The following COL24A1 variants were observed in gnomAD, a reference collection of about 807,000 sequenced individuals.
COL24A1 encodes the protein collagen type XXIV alpha 1 chain.
A neutral mutation model predicts 253.9 loss-of-function variants in COL24A1; 224 were observed. That is an observed-to-expected ratio of 0.88 (90% CI 0.79 to 0.99). COL24A1 has a LOEUF of 0.99. COL24A1 is among the 50% of genes least tolerant of loss of function. The pLI is 0.00. For missense variants in COL24A1, 2,131 were observed against 2,068.5 expected (o/e 1.03, Z -0.59); for synonymous variants, 685 against 673.7 (o/e 1.02, Z -0.26).
At chr1:85,743,903 T>C (rs1664913917) in intron 57 of COL24A1, among the ~76,000 whole-genome samples, 1 of 152,090 alleles carries the variant, frequency 6.6e-6, no homozygotes, top group Non-Finnish European at 1.5e-5. Flanking sequence ...TGCGTGTTTG[T>C]GTGTGTGTGA....
chr1:86,130,066 C>G (rs1648927602), intron 2 of COL24A1, among the ~76,000 whole-genome samples: 2 of 151,754 alleles, frequency 1.3e-5, no homozygotes, highest in Non-Finnish European at 3.0e-5. Context: ...TCATGCAGTT[C>G]ACATATTTAT....
Position 86,053,779 on chromosome 1 carries a change from T to C in COL24A1, c.1852-3602A>G, listed in dbSNP as rs1429731056. Among the ~76,000 whole-genome samples, 4 of 152,074 alleles carry C rather than the reference T, an allele frequency of 2.6e-5. No individual in the cohort carries two copies. The East Asian group carries it at 7.7e-4, about 29-fold the overall frequency. ...ACATTTGACAAAATATTTCTGCTAA[T>C]ACCAAAAAATACCAACAAATAACTG... On this transcript the variant is annotated intron_variant, in intron 10 of 59. Coordinates refer to ENST00000370571, the MANE Select transcript of COL24A1 (RefSeq NM_152890.7).
At chr1:85,968,688 A>T (rs1691810857) in intron 22 of COL24A1, among the ~76,000 whole-genome samples, 1 of 148,568 alleles carries the variant, frequency 6.7e-6, no homozygotes, top group South Asian at 2.2e-4. Context: ...CTGGTTGGTA[A>T]GAGCCTTAAT....
intron 18 of COL24A1, among the ~76,000 whole-genome samples, chr1:86,020,298 C>T (rs146464290): frequency 0.027 from 4,041 of 152,046 alleles, 74 homozygotes; most frequent in Non-Finnish European, 0.04. Flanking sequence ...GAACTCCTGA[C>T]CTCGTGATCC....
chr1:85,757,514 C>A (rs533882580), intron 55 of COL24A1, among the ~76,000 whole-genome samples: 1 of 152,124 alleles, frequency 6.6e-6, no homozygotes, highest in East Asian at 1.9e-4. Context: ...TTTAGTCATG[C>A]TAAGGTACCA....
Position 86,046,570 on chromosome 1 carries a change from G to A in COL24A1, c.1950+255C>T, listed in dbSNP as rs17406755. Among the ~76,000 whole-genome samples, 19,926 of 152,078 alleles carry A rather than the reference G, an allele frequency of 0.13. 1,430 individuals are homozygous for A. The highest frequency in any genetic ancestry group is 0.24 in the Middle Eastern group (71 of 294). ...ATTTTCTGTGACATTTTAGCTCCTT[G>A]CCGTAGAGATAAGGGTTTTCCCACT... On this transcript the variant is annotated intron_variant, in intron 12 of 59. Transcript: ENST00000370571.
chr1:85,941,875 C>T (rs1393551), intron 24 of COL24A1, among the ~76,000 whole-genome samples: 5,633 of 152,188 alleles, frequency 0.037, 165 homozygotes, highest in African/African-American at 0.075. Flanking sequence ...TTGTGATGTT[C>T]ATCTCAATGC....
intron 10 of COL24A1, among the ~76,000 whole-genome samples, chr1:86,051,535 T>C (rs955101588): frequency 6.6e-6 from 1 of 152,036 alleles, no homozygotes; most frequent in East Asian, 1.9e-4. Context: ...TTGCAAAGAA[T>C]TGCAAATAGT....
intron 7 of COL24A1, among the ~76,000 whole-genome samples, chr1:86,079,143 T>TA (rs1702454208): frequency 6.6e-6 from 1 of 151,942 alleles, no homozygotes; most frequent in African/African-American, 2.4e-5. Context: ...AACCCAGAAA[T>TA]AAATCCACAC....
chr1:86,137,375 G>A (rs1274633971), intron 2 of COL24A1, among the ~76,000 whole-genome samples: 1 of 152,116 alleles, frequency 6.6e-6, no homozygotes, highest in Non-Finnish European at 1.5e-5. Flanking sequence ...CACATAATTT[G>A]CATAACAACT....
chr1:85,976,923 C>T (rs1214770719), intron 20 of COL24A1, among the ~76,000 whole-genome samples: 1 of 152,220 alleles, frequency 6.6e-6, no homozygotes, highest in African/African-American at 2.4e-5. Context: ...TTTGAGAAAG[C>T]CAGCACGTGA....
At chr1:85,920,222 T>G (rs1686312153) in intron 24 of COL24A1, among the ~76,000 whole-genome samples, 1 of 152,194 alleles carries the variant, frequency 6.6e-6, no homozygotes. Flanking sequence ...CAGAAGAGAT[T>G]ATATCTGGTT....
intron 24 of COL24A1, among the ~76,000 whole-genome samples, chr1:85,933,493 A>G (rs1454876498): frequency 1.3e-5 from 2 of 152,132 alleles, no homozygotes; most frequent in Admixed American, 6.5e-5. Flanking sequence ...CCAGCTCCCT[A>G]CTTCTAGATA....
At chr1:86,017,888 T>G (rs898301403) in intron 18 of COL24A1, among the ~76,000 whole-genome samples, 3 of 152,192 alleles carry the variant, frequency 2.0e-5, no homozygotes, top group Admixed American at 2.0e-4. Context: ...ATTCCTAGAC[T>G]GTTTTCATCC....
intron 13 of COL24A1, among the ~76,000 whole-genome samples, chr1:86,033,350 C>T (rs1698739236): frequency 6.6e-6 from 1 of 152,052 alleles, no homozygotes; most frequent in African/African-American, 2.4e-5. Context: ...AAAACTAAAG[C>T]TTTTCTACCT....
At chr1:86,084,860 C>A (rs1315390808) in intron 7 of COL24A1, among the ~76,000 whole-genome samples, 1 of 152,058 alleles carries the variant, frequency 6.6e-6, no homozygotes, top group Non-Finnish European at 1.5e-5. Flanking sequence ...GTGGGAATGG[C>A]AGATTGCAGA....
At chr1:86,066,162 C>A (rs1701461355) in intron 7 of COL24A1, among the ~76,000 whole-genome samples, 1 of 151,710 alleles carries the variant, frequency 6.6e-6, no homozygotes, top group Admixed American at 6.6e-5. Flanking sequence ...TCCATGGGAT[C>A]CCTGTTTCCT....
chr1:85,873,283 T>C (rs1680747641), intron 35 of COL24A1, among the ~76,000 whole-genome samples: 2 of 152,040 alleles, frequency 1.3e-5, no homozygotes, highest in Admixed American at 6.5e-5. Flanking sequence ...AGTGTGGCGA[T>C]TCCTCAAGGA....
chr1:86,022,758 C>T, intron 16 of COL24A1, 75 bp downstream of exon 16: 2 of 1,263,038 alleles, frequency 1.6e-6, no homozygotes, highest in East Asian at 2.7e-5. Context: ...CAAAATATTT[C>T]ATAAATTGTG....
Sources: gnomAD v4.1 joint callset for allele counts (sites outside exome capture counted in the v4.1 genomes callset) on GRCh38, gnomAD v4.1.1 for gene constraint, MANE v1.5 for transcripts, NCBI Gene and HGNC (gene_info 2026-07-23, HGNC 2026-07-21) for gene names.